The following DOCK1 variants were observed in gnomAD, a reference collection of about 807,000 sequenced individuals.
DOCK1 encodes the protein dedicator of cytokinesis protein 1.
Under a neutral mutation model 262.7 loss-of-function variants are expected in DOCK1, and 138 were observed. The observed-to-expected ratio is 0.53, with a 90% confidence interval of 0.46 to 0.61. DOCK1 has a LOEUF of 0.61. Ranked by LOEUF, DOCK1 falls within the 20% of genes least tolerant of loss-of-function variation. The pLI, the probability that DOCK1 is intolerant of heterozygous loss-of-function variation, is 0.00. For missense variants in DOCK1, 1,908 were observed against 2,370.7 expected (o/e 0.80, Z 4.05); for synonymous variants, 866 against 867.4 (o/e 1.00, Z 0.03).
At chr10:127,042,076 CTG>C (rs1427226338) in intron 19 of DOCK1, among the ~76,000 whole-genome samples, 1 of 152,174 alleles carries the variant, frequency 6.6e-6, no homozygotes, top group Non-Finnish European at 1.5e-5. Flanking sequence ...TCAACTGTAA[CTG>C]TAATTTCGAC....
intron 1 of DOCK1, among the ~76,000 whole-genome samples, chr10:126,909,315 C>T (rs1293293466): frequency 6.6e-6 from 1 of 152,168 alleles, no homozygotes; most frequent in Admixed American, 6.5e-5. Context: ...AAACAGATTT[C>T]CTCCCCAGGG....
At chr10:127,276,681 C>T (rs746674942) in intron 29 of DOCK1, among the ~76,000 whole-genome samples, 9 of 152,126 alleles carry the variant, frequency 5.9e-5, no homozygotes, top group Non-Finnish European at 8.8e-5. Context: ...ACCTCTGCTC[C>T]GAGCTCCTTT....
intron 28 of DOCK1, among the ~76,000 whole-genome samples, chr10:127,255,690 T>G (rs1357789694): frequency 1.3e-5 from 2 of 152,226 alleles, no homozygotes; most frequent in African/African-American, 4.8e-5. Flanking sequence ...AGTATGGGAC[T>G]GTGTCTCTTA....
chr10:126,951,621 A>ATTG (rs1291987851), intron 1 of DOCK1, among the ~76,000 whole-genome samples: 97,442 of 150,746 alleles, frequency 0.65, 32,038 homozygotes, highest in African/African-American at 0.71. Context: ...TGGTGGTGGT[A>ATTG]TTGTTGGTGG....
chr10:127,339,625 TTGTGTGTGTGTG>T (rs754796831), intron 30 of DOCK1, among the ~76,000 whole-genome samples: 2 of 139,450 alleles, frequency 1.4e-5, no homozygotes, highest in Admixed American at 7.3e-5. Context: ...GTGTGTGTGT[TTGTGTGTGTGTG>T]TGTGTGTGTG....
chr10:127,036,870 C>T (rs919937805), intron 18 of DOCK1, among the ~76,000 whole-genome samples: 9 of 150,508 alleles, frequency 6.0e-5, no homozygotes, highest in African/African-American at 1.2e-4. Context: ...TTAGCTACTT[C>T]GGAGGCTGAG....
chr10:127,138,122 A>C, intron 27 of DOCK1: 1 of 993,894 alleles, frequency 1.0e-6, no homozygotes, highest in African/African-American at 1.6e-5. Context: ...TGTGTTTGTA[A>C]TGTAATTTTA....
chr10:127,183,169 A>T (rs2055901517), intron 27 of DOCK1, among the ~76,000 whole-genome samples: 1 of 150,618 alleles, frequency 6.6e-6, no homozygotes, highest in South Asian at 2.1e-4. Flanking sequence ...CCCCCCTAAA[A>T]ATGACTTATA....
intron 27 of DOCK1, among the ~76,000 whole-genome samples, chr10:127,181,258 G>A (rs1218319367): frequency 6.6e-6 from 1 of 152,194 alleles, no homozygotes; most frequent in Non-Finnish European, 1.5e-5. Context: ...GTCAATATTT[G>A]AGCAAACGTA....
intron 13 of DOCK1, among the ~76,000 whole-genome samples, chr10:127,022,558 G>A (rs2042512889): frequency 6.6e-6 from 1 of 151,948 alleles, no homozygotes; most frequent in Non-Finnish European, 1.5e-5. Flanking sequence ...ACGCCCAGTA[G>A]CTAATTTTTG....
At chr10:127,377,395 A>G (rs965951419) in intron 35 of DOCK1, among the ~76,000 whole-genome samples, 1 of 152,194 alleles carries the variant, frequency 6.6e-6, no homozygotes, top group Non-Finnish European at 1.5e-5. Context: ...GAGATGTATA[A>G]AATATACTCT....
chr10:127,451,172 T>C (rs1020366392), intron 51 of DOCK1, among the ~76,000 whole-genome samples, 160 bp from the exon 52 acceptor site: 2 of 152,220 alleles, frequency 1.3e-5, no homozygotes, highest in Admixed American at 6.5e-5. Context: ...TTGAGCCTAG[T>C]AGACCTGCCA....
At chr10:127,035,249 G>A (rs949989396) in intron 18 of DOCK1, among the ~76,000 whole-genome samples, 9 of 152,212 alleles carry the variant, frequency 5.9e-5, no homozygotes, top group South Asian at 4.1e-4. Flanking sequence ...TTAGGGAAAC[G>A]CAGTGGCTGA....
At chr10:127,155,916 T>G (rs1406427522) in intron 27 of DOCK1, among the ~76,000 whole-genome samples, 3 of 152,160 alleles carry the variant, frequency 2.0e-5, no homozygotes, top group Non-Finnish European at 2.9e-5. Flanking sequence ...TTGGCTTGGG[T>G]GGCAGATGAG....
chr10:126,943,318 T>A (rs1269080275), intron 1 of DOCK1, among the ~76,000 whole-genome samples: 1 of 152,202 alleles, frequency 6.6e-6, no homozygotes, highest in Admixed American at 6.5e-5. Context: ...TTACTTTCTT[T>A]GGCAAGCTAA....
At chr10:127,250,654 G>T (rs11016938) in intron 28 of DOCK1, among the ~76,000 whole-genome samples, 44,534 of 151,172 alleles carry the variant, frequency 0.29, 7,471 homozygotes, top group South Asian at 0.55. Context: ...AGCCAGGCAT[G>T]GTTGGGGGGC....
At chr10:127,098,484 A>G (rs377149662) in intron 23 of DOCK1, among the ~76,000 whole-genome samples, 19 of 152,288 alleles carry the variant, frequency 1.2e-4, no homozygotes, top group African/African-American at 4.3e-4. Context: ...AGCAGGAGCA[A>G]TGAGTCGAGC....
chr10:127,444,825 G>A (rs907642961), intron 50 of DOCK1, among the ~76,000 whole-genome samples: 1 of 152,012 alleles, frequency 6.6e-6, no homozygotes, highest in African/African-American at 2.4e-5. Context: ...CCCTCTGGTG[G>A]CTCCAAGGGA....
intron 37 of DOCK1, among the ~76,000 whole-genome samples, chr10:127,382,896 A>C (rs1000869217): frequency 6.6e-6 from 1 of 152,168 alleles, no homozygotes; most frequent in African/African-American, 2.4e-5. Flanking sequence ...TTGTTTCACA[A>C]CTCAAATCGA....
Sources: allele counts gnomAD v4.1 joint callset (sites outside exome capture counted in the v4.1 genomes callset), GRCh38; gene constraint gnomAD v4.1.1; transcripts MANE v1.5; gene names NCBI Gene and HGNC (gene_info 2026-07-23, HGNC 2026-07-21).